The following SIKE1 variants were observed in gnomAD, a reference collection of about 807,000 sequenced individuals.
SIKE1 encodes the protein suppressor of IKBKE 1.
Under a neutral mutation model 25.8 loss-of-function variants are expected in SIKE1, and 13 were observed. That is an observed-to-expected ratio of 0.50 (90% CI 0.33 to 0.80). SIKE1 has a LOEUF of 0.80. SIKE1 is among the 30% of genes least tolerant of loss of function. The pLI, the probability that SIKE1 is intolerant of heterozygous loss-of-function variation, is 0.02. For missense variants in SIKE1, 222 were observed against 252.4 expected, an observed-to-expected ratio of 0.88 and a Z score of 0.82; for synonymous variants, 86 against 95.5, an observed-to-expected ratio of 0.90 and a Z score of 0.58.
rs1662153612 is a variant in SIKE1 at position 114,774,388 on chromosome 1, C to T, written c.523-16G>A. ...TATTTTCAAGCTGGAAAAAAAAAGG[C>T]ATGTTTATTTCTGGTATTTTTACTG... On this transcript the variant is annotated splice_polypyrimidine_tract_variant and intron_variant, in intron 4 of 4. Coordinates refer to ENST00000060969, the MANE Select transcript of SIKE1 (RefSeq NM_025073.3). The T allele has an allele frequency of 6.4e-7, 1 of 1,567,280 alleles. No individual in the cohort carries two copies. The highest frequency in any genetic ancestry group is 8.7e-7 in the Non-Finnish European group (1 of 1,143,736).
At chr1:114,778,866 AAAACAAACAAAC>A (rs144580038) in intron 3 of SIKE1, 21 of 414,236 alleles carry the variant, frequency 5.1e-5, no homozygotes, top group East Asian at 3.9e-4. Context: ...TCTCTACCAA[AAAACAAACAAAC>A]AAACAAACAA....
chr1:114,779,970 C>CT (rs1400771223), intron 2 of SIKE1, 140 bp downstream of exon 2: 1 of 624,840 alleles, frequency 1.6e-6, no homozygotes, highest in African/African-American at 1.8e-5. Flanking sequence ...ATCTAACAAA[C>CT]TTTATTGTTA....
rs1662336683 is a variant in SIKE1, at chr1:114,779,252, C to A, written c.298G>T (p.Ala100Ser). The change falls in exon 3 of 5, where the codon GCT (alanine) becomes TCT (serine). Residue 100 changes from alanine to serine, a missense_variant. Ala to Ser is a moderately conservative substitution (Grantham distance 99, BLOSUM62 1). Coordinates refer to ENST00000060969, the MANE Select transcript of SIKE1 (RefSeq NM_025073.3). ...TATTTGCTCATGATAAGTTCCAAAGCATCCTGGTGTTCCTCCAAGGAAATC... is the reference window on the plus strand; with the variant it reads ...TATTTGCTCATGATAAGTTCCAAAGAATCCTGGTGTTCCTCCAAGGAAATC... ...LWISLEEHQD[A>S]LELIMSKYRK... 6.2e-7 allele frequency: 1 copy of A among 1,614,188 alleles called. No individual in the cohort carries two copies. The highest frequency in any genetic ancestry group is 2.2e-5 in the East Asian group (1 of 44,876).
chr1:114,774,657 TC>T (rs1283157281), intron 4 of SIKE1, among the ~76,000 whole-genome samples: 13 of 152,210 alleles, frequency 8.5e-5, no homozygotes, highest in Non-Finnish European at 1.9e-4. Flanking sequence ...AACAAGGTCC[TC>T]TCCATTTAAG....
chr1:114,779,582 C>T (rs953889083), intron 2 of SIKE1, among the ~76,000 whole-genome samples: 12 of 152,126 alleles, frequency 7.9e-5, no homozygotes, highest in African/African-American at 2.9e-4. Flanking sequence ...TCTTCTGAGC[C>T]TATTTCTTAA....
In SIKE1 at chr1:114,774,250, C is replaced by T. The variant is rs772748214; in HGVS notation, c.*21G>A. ...ACTTCCTTCCTTGATAGACAATCTC[C>T]AGCCATCATTCAGAGTTCAGTTATT... On this transcript the variant is annotated 3_prime_UTR_variant, in exon 5 of 5. Coordinates refer to ENST00000060969, the MANE Select transcript of SIKE1 (RefSeq NM_025073.3). The T allele has an allele frequency of 9.6e-6, 15 of 1,562,032 alleles. No individual in the cohort carries two copies. The highest frequency in any genetic ancestry group is 1.3e-5 in the Non-Finnish European group (15 of 1,135,592).
In SIKE1 at chr1:114,779,502, T is replaced by A. The variant is rs563905312; in HGVS notation, c.266-218A>T. Among the ~76,000 whole-genome samples, 273 of 152,360 alleles carry A rather than the reference T, an allele frequency of 1.8e-3. 2 individuals are homozygous for A. The highest frequency in any genetic ancestry group is 2.8e-3 in the Non-Finnish European group (190 of 68,038). ...TGCAGAAACAACAATGGATGTATCA[T>A]CAGAAGACATGTGTTTGAGTTCAGT... is the stretch of plus-strand genomic sequence containing the variant. On this transcript the variant is annotated intron_variant, in intron 2 of 4. Coordinates refer to ENST00000060969, the MANE Select transcript of SIKE1 (RefSeq NM_025073.3).
At chr1:114,775,003 G>A (rs1662171628) in intron 4 of SIKE1, among the ~76,000 whole-genome samples, 1 of 152,146 alleles carries the variant, frequency 6.6e-6, no homozygotes, top group African/African-American at 2.4e-5. Context: ...GTCTGAATCT[G>A]GTGGTCGTGT....
intron 3 of SIKE1, among the ~76,000 whole-genome samples, chr1:114,776,902 C>A (rs1444990417): frequency 1.3e-5 from 2 of 152,108 alleles, no homozygotes; most frequent in Non-Finnish European, 2.9e-5. Flanking sequence ...ACATATATAC[C>A]ATGGAATACT....
chr1:114,775,582 C>G (rs1441494491), intron 4 of SIKE1, among the ~76,000 whole-genome samples: 1 of 149,924 alleles, frequency 6.7e-6, no homozygotes, highest in African/African-American at 2.5e-5. Flanking sequence ...TCGTGGCTCA[C>G]TGCAGCCTTG....
chr1:114,778,898 C>A, intron 3 of SIKE1: 1 of 491,844 alleles, frequency 2.0e-6, no homozygotes, highest in Non-Finnish European at 3.6e-6. Context: ...AACAAACAAC[C>A]CCACAAAAAT....
At position 114,776,435 on chromosome 1, in the gene SIKE1, T is replaced by C. The variant is rs1445755975; in HGVS notation, c.433A>G (p.Ile145Val). 2 of 1,612,742 alleles carry C rather than the reference T, an allele frequency of 1.2e-6. No individual in the cohort carries two copies. The highest frequency in any genetic ancestry group is 1.7e-6 in the Non-Finnish European group (2 of 1,179,004). Residue 145 changes from isoleucine to valine, a missense_variant, in exon 4 of 5, where the codon ATC becomes GTC. Ile to Val is a conservative substitution (Grantham distance 29, BLOSUM62 3). Coordinates refer to ENST00000060969, the MANE Select transcript of SIKE1 (RefSeq NM_025073.3). ...CTCATCACTTCTCCCATTTCACAGA[T>C]TCTGTCAATCTGACTCTCAATTTCC... ...SAEIESQIDR[I>V]CEMGEVMRKA...
chr1:114,779,096 C>A, intron 3 of SIKE1, 46 bp downstream of exon 3: 1 of 1,607,688 alleles, frequency 6.2e-7, no homozygotes, highest in South Asian at 1.1e-5. Flanking sequence ...AAAACAATCT[C>A]AAGATTTCAA....
intron 4 of SIKE1, 61 bp downstream of exon 4, chr1:114,776,285 C>A: frequency 2.1e-6 from 2 of 971,158 alleles, no homozygotes; most frequent in Non-Finnish European, 3.3e-6. Context: ...ATAGTGATGG[C>A]ATATCTTCCA....
chr1:114,771,216 T>C lies in SIKE1; in HGVS notation c.*3055A>G, dbSNP rs908695422. 2 of 152,232 alleles carry C rather than the reference T, an allele frequency of 1.3e-5. No individual in the cohort carries two copies. Among genetic ancestry groups the C allele is most frequent in the African/African-American group, 4.8e-5 (2 of 41,460 alleles). The allele number at this position is 152,232 out of a possible 1,614,324, so 9.4% of individuals were successfully genotyped here. A position where few individuals can be genotyped will look rare whatever the true frequency, so the allele number is the denominator to read the frequency against. ...AGAGTCACTGATTAAACATTATTCC[T>C]TTCAGTTGAATCACACATACTCTCA... On this transcript the variant is annotated 3_prime_UTR_variant, in exon 5 of 5. Coordinates refer to ENST00000060969, the MANE Select transcript of SIKE1 (RefSeq NM_025073.3).
chr1:114,775,245 A>T (rs1172489037), intron 4 of SIKE1, among the ~76,000 whole-genome samples: 1 of 152,134 alleles, frequency 6.6e-6, no homozygotes, highest in African/African-American at 2.4e-5. Flanking sequence ...CTTCACCAAG[A>T]TGTGCGGAAG....
chr1:114,780,651 C>G lies in SIKE1; in HGVS notation c.-44G>C, dbSNP rs2101137271. On this transcript the variant is annotated 5_prime_UTR_variant, in exon 1 of 5. Coordinates refer to ENST00000060969, the MANE Select transcript of SIKE1 (RefSeq NM_025073.3). ...GCCCCTGCCGGGCTCAGCTACGCGA[C>G]TCGCTCAGATCTTCTGGGAGTCTGT... 1 of 1,510,810 alleles carries G rather than the reference C, an allele frequency of 6.6e-7. No individual in the cohort carries two copies. Among genetic ancestry groups the G allele is most frequent in the Non-Finnish European group, 9.0e-7 (1 of 1,112,338 alleles). The allele number at this position is 1,510,810 out of a possible 1,614,324, so 93.6% of individuals were successfully genotyped here.
chr1:114,778,229 A>C (rs1464429145), intron 3 of SIKE1, among the ~76,000 whole-genome samples: 1 of 152,226 alleles, frequency 6.6e-6, no homozygotes, highest in African/African-American at 2.4e-5. Flanking sequence ...AAGAATGTAC[A>C]ATGACAACCA....
At chr1:114,776,921 A>T (rs1662259137) in intron 3 of SIKE1, among the ~76,000 whole-genome samples, 1 of 152,260 alleles carries the variant, frequency 6.6e-6, no homozygotes, top group Non-Finnish European at 1.5e-5. Context: ...CTATGCAGCC[A>T]TAAAAAAGGA....
Sources: gnomAD v4.1 joint callset for allele counts (sites outside exome capture counted in the v4.1 genomes callset) on GRCh38, gnomAD v4.1.1 for gene constraint, MANE v1.5 for transcripts, NCBI Gene and HGNC (gene_info 2026-07-23, HGNC 2026-07-21) for gene names.